FAP: variants seen among roughly 807,000 people sequenced by gnomAD.
FAP encodes the protein fibroblast activation protein alpha.
Under a neutral mutation model 126.5 loss-of-function variants are expected in FAP, and 110 were observed. The ratio of observed to expected loss-of-function variants is 0.87; its 90% CI spans 0.74 to 1.02. The LOEUF (loss-of-function observed/expected upper bound fraction) is 1.02, where lower values mean the gene tolerates loss of function less well. FAP is among the 50% of genes least tolerant of loss of function. The pLI is 0.00. For synonymous variants in FAP, 334 were observed against 297.3 expected (o/e 1.12, Z -1.27); for missense variants, 919 against 909.2 (o/e 1.01, Z -0.14).
intron 9 of FAP, among the ~76,000 whole-genome samples, chr2:162,216,557 T>C (rs998383577): frequency 4.6e-5 from 7 of 152,144 alleles, no homozygotes; most frequent in African/African-American, 1.7e-4. Context: ...GAAGTATCCA[T>C]GAGATTTATA....
At chr2:162,229,597 A>C (rs1483979606) in intron 2 of FAP, among the ~76,000 whole-genome samples, 2 of 152,168 alleles carry the variant, frequency 1.3e-5, no homozygotes, top group African/African-American at 4.8e-5. Flanking sequence ...ATAAAACATA[A>C]AAAACAACAG....
At position 162,236,676 on chromosome 2, in the gene FAP, T is replaced by A. The variant is rs574020874; in HGVS notation, c.91+6232A>T. 7.9e-5 allele frequency among the ~76,000 whole-genome samples: 12 copies of A among 152,312 alleles called. No individual in the cohort carries two copies. In the East Asian group the frequency reaches 2.3e-3, roughly 29 times the overall value. ...CCCAGGCTGGAGTGCAATGGCACAA[T>A]CTCGGCTCACTGCAACCTCTGTCTC... is the stretch of plus-strand genomic sequence containing the variant. On this transcript the variant is annotated intron_variant, in intron 2 of 25. Transcript: ENST00000188790.
At chr2:162,171,410 G>C (rs1325334912) in intron 25 of FAP, 2 of 182,194 alleles carry the variant, frequency 1.1e-5, no homozygotes, top group Non-Finnish European at 2.3e-5. Context: ...TTTGGAGTCT[G>C]GTTTCTTCAT....
chr2:162,198,317 T>C (rs1444027978), intron 16 of FAP: 55 of 1,288,484 alleles, frequency 4.3e-5, no homozygotes, highest in Non-Finnish European at 5.1e-5. Flanking sequence ...GAGAGTTTGA[T>C]ATTTCTCTGG....
intron 2 of FAP, 93 bp from the exon 3 acceptor site, chr2:162,226,714 A>G (rs1172109968): frequency 3.0e-6 from 2 of 670,584 alleles, no homozygotes; most frequent in Non-Finnish European, 5.2e-6. Flanking sequence ...TTTCTTATAT[A>G]GTAATAAGAT....
At chr2:162,191,264 AC>A (rs1359029242) in intron 17 of FAP, among the ~76,000 whole-genome samples, 1 of 152,080 alleles carries the variant, frequency 6.6e-6, no homozygotes, top group Non-Finnish European at 1.5e-5. Flanking sequence ...TAGCTATCGA[AC>A]TTTTCTGATA....
rs1442411423 is a variant in FAP at position 162,243,111 on chromosome 2, C to T, written c.7-119G>A. 1.4e-5 allele frequency: 12 copies of T among 883,204 alleles called. No homozygotes were observed. The South Asian group carries it at 1.4e-4, about 11-fold the overall frequency. 54.7% of individuals were successfully genotyped at this position (883,204 alleles called of 1,614,324 possible). On this transcript the variant is annotated intron_variant, in intron 1 of 25. Transcript: ENST00000188790. ...GCCCCACAAAGCTTTTGATTGTTTT[C>T]CACTGATCCGGCTATAATTGCTGGA...
intron 21 of FAP, among the ~76,000 whole-genome samples, chr2:162,179,812 ATTTTT>A (rs1206502227): frequency 5.5e-5 from 5 of 90,524 alleles, no homozygotes; most frequent in African/African-American, 1.4e-4. Flanking sequence ...ATATATATAT[ATTTTT>A]TTTTTTTTTG....
chr2:162,194,650 G>A, intron 17 of FAP, 51 bp downstream of exon 17: 1 of 1,542,882 alleles, frequency 6.5e-7, no homozygotes, highest in Non-Finnish European at 9.0e-7. Context: ...GAGCATCACA[G>A]AGAGTTCAGG....
At chr2:162,206,041 T>C (rs987895936) in intron 12 of FAP, among the ~76,000 whole-genome samples, 3 of 152,166 alleles carry the variant, frequency 2.0e-5, no homozygotes, top group African/African-American at 7.2e-5. Flanking sequence ...GAGTGTTATG[T>C]TTTAAGATAT....
At chr2:162,210,524 CCTGCTT>C (rs1205478083) in intron 11 of FAP, among the ~76,000 whole-genome samples, 1 of 152,084 alleles carries the variant, frequency 6.6e-6, no homozygotes, top group East Asian at 1.9e-4. Context: ...AGAGACCAGA[CCTGCTT>C]AGTCACCCAA....
intron 7 of FAP, 21 bp from the exon 8 acceptor site, chr2:162,219,204 A>T: frequency 6.3e-7 from 1 of 1,594,020 alleles, no homozygotes. Context: ...TGGTAAGGGG[A>T]AATTCCACAA....
At chr2:162,179,708 A>C (rs112011096) in intron 21 of FAP, among the ~76,000 whole-genome samples, 2 of 151,938 alleles carry the variant, frequency 1.3e-5, no homozygotes, top group Non-Finnish European at 2.9e-5. Flanking sequence ...GAGAATGGAC[A>C]TTGCAGATGC....
At chr2:162,235,289 G>A (rs1302150980) in intron 2 of FAP, among the ~76,000 whole-genome samples, 1 of 152,220 alleles carries the variant, frequency 6.6e-6, no homozygotes, top group Non-Finnish European at 1.5e-5. Flanking sequence ...CCCAAGGGCT[G>A]AGGAGTGCCA....
chr2:162,235,397 G>T (rs900987431), intron 2 of FAP, among the ~76,000 whole-genome samples: 14 of 152,224 alleles, frequency 9.2e-5, no homozygotes, highest in Non-Finnish European at 1.8e-4. Context: ...TGGGGACTTG[G>T]AGAACCTTTG....
chr2:162,227,417 C>G (rs532423226), intron 2 of FAP, among the ~76,000 whole-genome samples: 15 of 152,162 alleles, frequency 9.9e-5, no homozygotes, highest in Non-Finnish European at 1.5e-4. Context: ...ACATTCATTA[C>G]AGAGCCCTGA....
In FAP at chr2:162,198,769, G is replaced by A. The variant is rs750943958; in HGVS notation, c.1390C>T (p.Leu464Phe). 1 of 1,614,132 alleles carries A rather than the reference G, an allele frequency of 6.2e-7. No individual in the cohort carries two copies. Among genetic ancestry groups the A allele is most frequent in the Non-Finnish European group, 8.5e-7 (1 of 1,179,966 alleles). ...GTCCGTTACCTACCGTAGCAGACAAGTGCATAGTACTTGGCGTAGTCGCTG... is the reference window on the plus strand; with the variant it reads ...GTCCGTTACCTACCGTAGCAGACAAATGCATAGTACTTGGCGTAGTCGCTG... ...SFSDYAKYYALVCYGPGIPIS... is the reference protein window; with the variant it reads ...SFSDYAKYYAFVCYGPGIPIS... Residue 464 changes from leucine to phenylalanine, a missense_variant, in exon 16 of 26, where the codon CTT becomes TTT. Coordinates refer to ENST00000188790, the MANE Select transcript of FAP (RefSeq NM_004460.5).
At position 162,194,735 on chromosome 2, in the gene FAP, G is replaced by C; in HGVS notation, c.1416C>G (p.Pro472=). The C allele has an allele frequency of 6.2e-7, 1 of 1,613,618 alleles. No homozygotes were observed. The highest frequency in any genetic ancestry group is 8.5e-7 in the Non-Finnish European group (1 of 1,179,668). ...YALVCYGPGI[P]ISTLHDGRTD... ...TGCGTCCATCATGAAGGGTGGAAAT[G>C]GGGATGCCTGGGCCTGTGGGCAGGA... is the stretch of plus-strand genomic sequence containing the variant. The change falls in exon 17 of 26, where the codon CCC becomes CCG. Residue 472 remains proline, a synonymous_variant. Transcript: ENST00000188790.
chr2:162,204,329 G>A (rs1324528576), intron 12 of FAP, among the ~76,000 whole-genome samples: 1 of 152,168 alleles, frequency 6.6e-6, no homozygotes, highest in African/African-American at 2.4e-5. Context: ...CAACTAATTT[G>A]ATGTGATGTC....
Sources: gnomAD v4.1 joint callset for allele counts (sites outside exome capture counted in the v4.1 genomes callset) on GRCh38, gnomAD v4.1.1 for gene constraint, MANE v1.5 for transcripts, NCBI Gene and HGNC (gene_info 2026-07-23, HGNC 2026-07-21) for gene names.